Variants in SYT14 observed in about 807,000 individuals in gnomAD.
SYT14 encodes synaptotagmin 14.
In SYT14, 32 loss-of-function variants were observed where a neutral mutation model predicts 74.2. That is an observed-to-expected ratio of 0.43 (90% CI 0.33 to 0.58). The LOEUF is 0.58. SYT14 is among the 20% of genes least tolerant of loss of function. The probability of loss-of-function intolerance (pLI) is 0.05; values close to 1 mark genes in which losing one functional copy is unlikely to be tolerated. For synonymous variants in SYT14, 298 were observed against 337.7 expected (o/e 0.88, Z 1.29); for missense variants, 791 against 981.8 (o/e 0.81, Z 2.60).
chr1:209,938,467 C>G (rs2078672385), intron 1 of SYT14, among the ~76,000 whole-genome samples, 190 bp downstream of exon 1: 1 of 151,760 alleles, frequency 6.6e-6, no homozygotes, highest in African/African-American at 2.4e-5. Flanking sequence ...GGACGCCGGG[C>G]CCGACTGGCT....
chr1:210,096,395 AAG>A (rs1249553847), intron 6 of SYT14, among the ~76,000 whole-genome samples: 12 of 152,084 alleles, frequency 7.9e-5, no homozygotes, highest in Admixed American at 6.6e-5. Flanking sequence ...GAGAGAGAGA[AAG>A]AGAGTGTGTT....
chr1:210,094,652 T>C, intron 6 of SYT14, 59 bp downstream of exon 5: 1 of 1,561,268 alleles, frequency 6.4e-7, no homozygotes, highest in East Asian at 2.3e-5. Context: ...AATAATCCTG[T>C]GCTTCTCCTC....
chr1:210,152,185 T>C (rs1303476312), intron 7 of SYT14, among the ~76,000 whole-genome samples: 1 of 152,200 alleles, frequency 6.6e-6, no homozygotes, highest in East Asian at 1.9e-4. Context: ...TGTGTACCCA[T>C]GACTTAAGAA....
chr1:210,000,914 G>C (rs192704926), intron 2 of SYT14, among the ~76,000 whole-genome samples: 1 of 151,944 alleles, frequency 6.6e-6, no homozygotes, highest in African/African-American at 2.4e-5. Context: ...GTTTCTGCGT[G>C]CCTCATAGTT....
At chr1:210,055,280 C>T (rs2081074271) in intron 5 of SYT14, among the ~76,000 whole-genome samples, 1 of 152,134 alleles carries the variant, frequency 6.6e-6, no homozygotes, top group African/African-American at 2.4e-5. Context: ...AGTGTGAGGA[C>T]TAGAAATACT....
chr1:210,115,079 T>C (rs543272189), intron 7 of SYT14, among the ~76,000 whole-genome samples: 1 of 151,254 alleles, frequency 6.6e-6, no homozygotes, highest in East Asian at 1.9e-4. Context: ...CATTTGCCCA[T>C]TTTACGACAA....
intron 5 of SYT14, among the ~76,000 whole-genome samples, chr1:210,042,621 T>G (rs1017473132): frequency 2.0e-5 from 3 of 152,240 alleles, no homozygotes; most frequent in Admixed American, 2.0e-4. Flanking sequence ...TAGGGAATCC[T>G]TTCCCCATTG....
exon 10 of SYT14, chr1:210,162,732 TAAAAG>T (rs2083398481): frequency 6.7e-6 from 3 of 449,854 alleles, no homozygotes; most frequent in East Asian, 7.0e-5. Flanking sequence ...TGAAAGGCCT[TAAAAG>T]AAACCCAAAA....
At chr1:209,967,558 G>A (rs1172706333) in intron 2 of SYT14, among the ~76,000 whole-genome samples, 1 of 151,942 alleles carries the variant, frequency 6.6e-6, no homozygotes, top group Non-Finnish European at 1.5e-5. Flanking sequence ...GACTTTCAGG[G>A]AATTTGTTCA....
At chr1:210,049,169 A>T (rs1318881820) in intron 5 of SYT14, among the ~76,000 whole-genome samples, 1 of 152,136 alleles carries the variant, frequency 6.6e-6, no homozygotes. Context: ...TGGATCTCCC[A>T]TTCTGGGGTC....
Position 210,018,908 on chromosome 1 carries a change from C to T in SYT14, c.1096+1809C>T, listed in dbSNP as rs182357301. On this transcript the variant is annotated intron_variant, in intron 4 of 9. Transcript: ENST00000637265. ...ATCCCAGCACTTTGGGAGGCCAAGG[C>T]GGGCAGATCACGAGGTCAAGAGATC... is the stretch of plus-strand genomic sequence containing the variant. Among the ~76,000 whole-genome samples, 1,331 of 151,996 alleles carry T rather than the reference C, an allele frequency of 8.8e-3. 9 individuals are homozygous for T. Among genetic ancestry groups the T allele is most frequent in the African/African-American group, 0.011 (439 of 41,476 alleles).
chr1:210,069,864 G>C (rs1318136538), intron 5 of SYT14, among the ~76,000 whole-genome samples: 1 of 151,254 alleles, frequency 6.6e-6, no homozygotes, highest in Non-Finnish European at 1.5e-5. Context: ...TCAGGAACGT[G>C]ATAGTGTGCA....
rs1167553924 is a variant in SYT14, at chr1:209,968,722, ATTTC to A, written c.-486+15970_-486+15973del. Among the ~76,000 whole-genome samples the A allele has an allele frequency of 2.1e-5, 3 of 140,718 alleles. No homozygotes were observed. The East Asian group carries it at 6.3e-4, about 30-fold the overall frequency. The allele number at this position is 140,718 out of a possible 152,430, so 92.3% of individuals were successfully genotyped here. A position where few individuals can be genotyped will look rare whatever the true frequency, so the allele number is the denominator to read the frequency against. ...ATGTCTTTTCATGGTTTAGTAGCTC[ATTTC>A]TTTTTTTTTTTTTAATAATTTAAAC... On this transcript the variant is annotated intron_variant, in intron 2 of 9. Transcript: ENST00000637265.
chr1:210,159,536 A>G, intron 9 of SYT14, 59 bp downstream of exon 8: 1 of 1,464,288 alleles, frequency 6.8e-7, no homozygotes, highest in Non-Finnish European at 9.4e-7. Context: ...AAAATACCCT[A>G]AAACTTGCCA....
At chr1:210,024,220 C>A (rs1309552108) in intron 5 of SYT14, among the ~76,000 whole-genome samples, 2 of 152,094 alleles carry the variant, frequency 1.3e-5, no homozygotes, top group African/African-American at 2.4e-5. Flanking sequence ...ACTAAGGAAC[C>A]ATAATCAGGG....
intron 5 of SYT14, among the ~76,000 whole-genome samples, chr1:210,073,640 A>G (rs891873173): frequency 5.3e-5 from 8 of 151,868 alleles, no homozygotes; most frequent in African/African-American, 9.7e-5. Context: ...ACATCATCCA[A>G]TATAGTCCAT....
chr1:210,148,508 CA>C (rs11295049), intron 7 of SYT14, among the ~76,000 whole-genome samples: 78,625 of 127,312 alleles, frequency 0.62, 22,366 homozygotes, highest in East Asian at 0.85. Context: ...AACTCCGTCT[CA>C]AAAAAAAAAA....
chr1:210,099,610 C>A (rs1351961848), intron 6 of SYT14, among the ~76,000 whole-genome samples: 1 of 152,106 alleles, frequency 6.6e-6, no homozygotes, highest in Non-Finnish European at 1.5e-5. Flanking sequence ...TATTTATGTT[C>A]TCTTTCTCTG....
chr1:210,122,312 G>A (rs1461277809), intron 7 of SYT14, among the ~76,000 whole-genome samples: 2 of 152,128 alleles, frequency 1.3e-5, no homozygotes, highest in Non-Finnish European at 2.9e-5. Context: ...CACAACAAAG[G>A]TTTATTTCTT....
Sources: gnomAD v4.1 joint callset for allele counts (sites outside exome capture counted in the v4.1 genomes callset) on GRCh38, gnomAD v4.1.1 for gene constraint, MANE v1.5 for transcripts, NCBI Gene and HGNC (gene_info 2026-07-23, HGNC 2026-07-21) for gene names.